The following SCAMP4 variants were observed in gnomAD, a reference collection of about 807,000 sequenced individuals.
SCAMP4 encodes the protein secretory carrier-associated membrane protein 4.
Under a neutral mutation model 32.1 loss-of-function variants are expected in SCAMP4, and 19 were observed. The ratio of observed to expected loss-of-function variants is 0.59; its 90% confidence interval spans 0.41 to 0.87. The LOEUF (loss-of-function observed/expected upper bound fraction) is 0.87, where lower values mean the gene tolerates loss of function less well. Ranked by LOEUF, SCAMP4 falls within the 40% of genes least tolerant of loss-of-function variation. SCAMP4 has a pLI of 0.00. For synonymous variants in SCAMP4, 152 were observed against 132.7 expected (o/e 1.15, Z -1.00); for missense variants, 302 against 309.0 (o/e 0.98, Z 0.17).
rs752116318 is a variant in SCAMP4 at position 1,913,094 on chromosome 19, C to G, written c.-41-1885C>G. On this transcript the variant is annotated intron_variant, in intron 1 of 6. Transcript: ENST00000316097. Reference sequence around the variant, plus strand: ...CACGGCCCGACCTCAACCACCGCTTCCAGGTGTTCCGCGGGGTGCTGGAGG... The same window carrying G: ...CACGGCCCGACCTCAACCACCGCTTGCAGGTGTTCCGCGGGGTGCTGGAGG... The G allele has an allele frequency of 3.8e-6, 6 of 1,599,086 alleles. No individual in the cohort carries two copies. The Admixed American group carries it at 1.0e-4, about 27-fold the overall frequency.
chr19:1,915,042 C>T lies in SCAMP4; in HGVS notation c.7+16C>T, dbSNP rs913865429. On this transcript the variant is annotated intron_variant, in intron 2 of 6. Transcript: ENST00000316097. The stretch of plus-strand genomic sequence containing the variant: ...GAGATGTCAGGTGAGTCCTGCCTGC[C>T]TGGGAGCCTCCAGCAGCGTGGGCGG... The T allele has an allele frequency of 3.1e-6, 5 of 1,613,690 alleles. No individual in the cohort carries two copies. Among genetic ancestry groups the T allele is most frequent in the Non-Finnish European group, 3.4e-6 (4 of 1,179,762 alleles).
chr19:1,924,343 C>T lies in SCAMP4; in HGVS notation c.*59C>T, dbSNP rs1305441501. ...TCCTCCCCTTCATTCCTGCTGCTAC[C>T]CCTGGTCCCGAGGGCTGGGAGTACC... On this transcript the variant is annotated 3_prime_UTR_variant, in exon 7 of 7. Coordinates refer to ENST00000316097, the MANE Select transcript of SCAMP4 (RefSeq NM_079834.4). 1 of 1,489,260 alleles carries T rather than the reference C, an allele frequency of 6.7e-7. No individual in the cohort carries two copies. Among genetic ancestry groups the T allele is most frequent in the Admixed American group, 2.0e-5 (1 of 50,438 alleles). 92.3% of individuals were successfully genotyped at this position (1,489,260 alleles called of 1,614,324 possible). A position where few individuals can be genotyped will look rare whatever the true frequency, so the allele number is the denominator to read the frequency against.
At chr19:1,912,330 C>A in intron 1 of SCAMP4, 1 of 1,532,832 alleles carries the variant, frequency 6.5e-7, no homozygotes, top group Non-Finnish European at 8.7e-7. Flanking sequence ...CAAGCGGGTG[C>A]GGCCCAGCCG....
intron 5 of SCAMP4, chr19:1,919,549 C>T (rs1184495961): frequency 1.4e-5 from 10 of 737,484 alleles, no homozygotes; most frequent in African/African-American, 6.4e-5. Context: ...CAGGCTGGGG[C>T]GCAGTGGTGC....
At position 1,908,890 on chromosome 19, in the gene SCAMP4, G is replaced by T. The variant is rs2013282982; in HGVS notation, c.-42+3451G>T. ...AGGCTGAGGCAGGTGGATCACCTGAGGTCAGGAGTTCCAAGACCAGCCTGG... is the reference window on the plus strand; with the variant it reads ...AGGCTGAGGCAGGTGGATCACCTGATGTCAGGAGTTCCAAGACCAGCCTGG... On this transcript the variant is annotated intron_variant, in intron 1 of 6. Transcript: ENST00000316097. The surrounding 1 kb of genome is among the most constrained non-coding windows in gnomAD (Gnocchi z 4.2). 6.6e-6 allele frequency among the ~76,000 whole-genome samples: 1 copy of T among 151,962 alleles called. No individual in the cohort carries two copies. The highest frequency in any genetic ancestry group is 2.1e-4 in the South Asian group (1 of 4,830).
chr19:1,917,538 C>T (rs919711238), intron 2 of SCAMP4, among the ~76,000 whole-genome samples, 156 bp from the exon 3 acceptor site: 20 of 152,200 alleles, frequency 1.3e-4, no homozygotes, highest in African/African-American at 3.9e-4. Flanking sequence ...GAGGCTGCCA[C>T]GAGGACCCTC....
chr19:1,913,909 G>A (rs952933414), intron 1 of SCAMP4, among the ~76,000 whole-genome samples: 1 of 152,228 alleles, frequency 6.6e-6, no homozygotes, highest in Non-Finnish European at 1.5e-5. Context: ...CAGCCCATAG[G>A]GGAGGGGATC....
At chr19:1,921,288 C>T (rs1223382453) in intron 5 of SCAMP4, 2 of 985,316 alleles carry the variant, frequency 2.0e-6, no homozygotes, top group Non-Finnish European at 2.4e-6. Flanking sequence ...ACCAGCGTCA[C>T]CTCCCCAGGG....
At position 1,924,298 on chromosome 19, in the gene SCAMP4, T is replaced by C. The variant is rs1356500509; in HGVS notation, c.*14T>C. 7 of 1,571,070 alleles carry C rather than the reference T, an allele frequency of 4.5e-6. No individual in the cohort carries two copies. Among genetic ancestry groups the C allele is most frequent in the South Asian group, 2.3e-5 (2 of 86,668 alleles). On this transcript the variant is annotated 3_prime_UTR_variant, in exon 7 of 7. Transcript: ENST00000316097. ...CAGTGGCCTTAGAGGGAGCCTGCCCTGCCCCCACCGCCCACCACCTCCTCC... is the reference window on the plus strand; with the variant it reads ...CAGTGGCCTTAGAGGGAGCCTGCCCCGCCCCCACCGCCCACCACCTCCTCC...
At chr19:1,914,753 C>T (rs1183125228) in intron 1 of SCAMP4, among the ~76,000 whole-genome samples, 5 of 152,148 alleles carry the variant, frequency 3.3e-5, no homozygotes, top group Non-Finnish European at 7.4e-5. Context: ...GGGCTGCGGC[C>T]AGCCCTGCCC....
chr19:1,909,237 C>A (rs1465333821), intron 1 of SCAMP4, among the ~76,000 whole-genome samples: 1 of 152,080 alleles, frequency 6.6e-6, no homozygotes, highest in Non-Finnish European at 1.5e-5. Context: ...TGGGGGTGTT[C>A]AGGTGGGGTG....
intron 1 of SCAMP4, among the ~76,000 whole-genome samples, chr19:1,913,934 T>C (rs1169956265): frequency 6.6e-6 from 1 of 152,084 alleles, no homozygotes; most frequent in African/African-American, 2.4e-5. Context: ...AGGTGGGGGC[T>C]CTGCGTGGGG....
intron 5 of SCAMP4, among the ~76,000 whole-genome samples, chr19:1,919,724 C>G (rs933145666): frequency 5.3e-5 from 8 of 151,758 alleles, no homozygotes; most frequent in African/African-American, 1.9e-4. Context: ...GTATCGAACT[C>G]CCGAGCTCAG....
At chr19:1,919,054 C>G (rs934206593) in intron 5 of SCAMP4, 64 bp downstream of exon 5, 3 of 1,558,502 alleles carry the variant, frequency 1.9e-6, no homozygotes, top group Non-Finnish European at 2.6e-6. Flanking sequence ...TGTGGGCCTG[C>G]TGGGAAGCCA....
In SCAMP4 at chr19:1,908,148, G is replaced by A. The variant is rs536245602; in HGVS notation, c.-42+2709G>A. On this transcript the variant is annotated intron_variant, in intron 1 of 6. Coordinates refer to ENST00000316097, the MANE Select transcript of SCAMP4 (RefSeq NM_079834.4). This position sits in a 1 kb window ranked among gnomAD's most constrained non-coding sequence, Gnocchi z 4.2. Reference sequence around the variant, plus strand: ...GCGGGCCTCTCGGTCCTGGTCGCGCGTGGTGTGCGTTTTGGGAGGGCCCAG... The same window carrying A: ...GCGGGCCTCTCGGTCCTGGTCGCGCATGGTGTGCGTTTTGGGAGGGCCCAG... 6 of 255,224 alleles carry A rather than the reference G, an allele frequency of 2.4e-5. No homozygotes were observed. The highest frequency in any genetic ancestry group is 1.3e-4 in the East Asian group (1 of 7,534). The allele number at this position is 255,224 out of a possible 1,614,324, so 15.8% of individuals were successfully genotyped here. A position where few individuals can be genotyped will look rare whatever the true frequency, so the allele number is the denominator to read the frequency against.
intron 3 of SCAMP4, 28 bp from the exon 4 acceptor site, chr19:1,918,099 C>A: frequency 6.3e-7 from 1 of 1,591,096 alleles, no homozygotes. Flanking sequence ...CCCGTGCCTG[C>A]TCATCCGTCC....
At chr19:1,905,502 G>T (rs1165350211) in intron 1 of SCAMP4, 63 bp downstream of exon 1, 3 of 422,942 alleles carry the variant, frequency 7.1e-6, no homozygotes, top group African/African-American at 4.3e-5. Flanking sequence ...GGGGGAGTAG[G>T]GGCTGACATG....
chr19:1,923,198 G>A lies in SCAMP4; in HGVS notation c.513+11G>A, dbSNP rs779857257. ...ATCGCGATCATGAAGGTGAGTCCTC[G>A]GCTTTGTGACGTCCAGCCCTTACCC... On this transcript the variant is annotated intron_variant, in intron 6 of 6. Coordinates refer to ENST00000316097, the MANE Select transcript of SCAMP4 (RefSeq NM_079834.4). The A allele has an allele frequency of 6.4e-5, 99 of 1,543,080 alleles. No individual in the cohort carries two copies. The highest frequency in any genetic ancestry group is 6.4e-4 in the South Asian group (53 of 82,950).
chr19:1,921,576 G>A, intron 5 of SCAMP4: 3 of 985,428 alleles, frequency 3.0e-6, no homozygotes, highest in Non-Finnish European at 3.6e-6. Context: ...GCGGGGGCGT[G>A]CGATGCTGGC....
Sources: gnomAD v4.1 joint callset for allele counts (sites outside exome capture counted in the v4.1 genomes callset) on GRCh38, gnomAD v4.1.1 for gene constraint, Gnocchi (gnomAD v3.1) non-coding constraint, MANE v1.5 for transcripts, NCBI Gene and HGNC (gene_info 2026-07-23, HGNC 2026-07-21) for gene names.